Variants in TSPAN9 observed in about 807,000 individuals in gnomAD.
The protein encoded by TSPAN9 is tetraspanin 9, also known as tetraspanin-9.
Under a neutral mutation model 31.0 loss-of-function variants are expected in TSPAN9, and 16 were observed. The observed-to-expected ratio is 0.52, with a 90% CI of 0.35 to 0.78. The LOEUF (loss-of-function observed/expected upper bound fraction) is 0.78. Among genes scored for constraint, TSPAN9 ranks in the 30% least tolerant of loss-of-function variants. The pLI is 0.01. For synonymous variants in TSPAN9, 145 were observed against 121.6 expected (o/e 1.19, Z -1.27); for missense variants, 272 against 312.5 (o/e 0.87, Z 0.98).
At chr12:3,281,362 A>T (rs772458182) in intron 7 of TSPAN9, 33 bp downstream of exon 7, 16 of 1,532,526 alleles carry the variant, frequency 1.0e-5, no homozygotes, top group African/African-American at 1.4e-5. Context: ...TGGGTCCAAG[A>T]GCCCGTGTGT....
chr12:3,226,302 G>A (rs2098387106), intron 3 of TSPAN9, among the ~76,000 whole-genome samples: 1 of 152,080 alleles, frequency 6.6e-6, no homozygotes, highest in African/African-American at 2.4e-5. Flanking sequence ...TTTGTGCTTG[G>A]AAAGGAGTAT....
chr12:3,181,747 G>C (rs1045567107), intron 2 of TSPAN9, among the ~76,000 whole-genome samples: 2 of 152,062 alleles, frequency 1.3e-5, no homozygotes, highest in African/African-American at 4.8e-5. Flanking sequence ...CCCAGCCCTC[G>C]TGCCCTTCCC....
intron 2 of TSPAN9, among the ~76,000 whole-genome samples, chr12:3,109,152 G>A (rs192793347): frequency 0.01 from 1,580 of 151,808 alleles, 16 homozygotes; most frequent in Non-Finnish European, 0.018. Context: ...TAGCCAGGAT[G>A]GTCTCGATCT....
At chr12:3,203,955 G>A (rs548674886) in intron 3 of TSPAN9, among the ~76,000 whole-genome samples, 15 of 152,312 alleles carry the variant, frequency 9.8e-5, no homozygotes, top group African/African-American at 3.4e-4. Flanking sequence ...AGAGCAGAAT[G>A]GGAAGGGAAA....
At chr12:3,095,398 A>G (rs2098307625) in intron 2 of TSPAN9, among the ~76,000 whole-genome samples, 1 of 150,106 alleles carries the variant, frequency 6.7e-6, no homozygotes, top group Admixed American at 6.6e-5. Flanking sequence ...CACCTCCCAG[A>G]CGGGGTGGTG....
intron 1 of TSPAN9, among the ~76,000 whole-genome samples, chr12:3,083,330 G>T (rs564189581): frequency 3.6e-4 from 55 of 152,314 alleles, no homozygotes; most frequent in African/African-American, 1.3e-3. Flanking sequence ...GGATGACAAA[G>T]GTCTACCCCA....
At chr12:3,269,223 CCTCT>C (rs746109992) in intron 3 of TSPAN9, among the ~76,000 whole-genome samples, 71 of 53,206 alleles carry the variant, frequency 1.3e-3, no homozygotes, top group Non-Finnish European at 2.4e-3. Context: ...TGCAGCCTGC[CCTCT>C]CTGTGTTCCT....
At chr12:3,153,163 G>A (rs1364639122) in intron 2 of TSPAN9, among the ~76,000 whole-genome samples, 1 of 152,162 alleles carries the variant, frequency 6.6e-6, no homozygotes, top group Non-Finnish European at 1.5e-5. Flanking sequence ...CCCTGTGGCA[G>A]TCCCGGAAGG....
chr12:3,104,672 C>T (rs566766577), intron 2 of TSPAN9, among the ~76,000 whole-genome samples: 3 of 152,268 alleles, frequency 2.0e-5, no homozygotes, highest in Admixed American at 6.5e-5. Flanking sequence ...CTGTTAGCTA[C>T]CAAGTGCTTA....
At position 3,283,737 on chromosome 12, in the gene TSPAN9, T is replaced by C. The variant is rs1268378192; in HGVS notation, c.*621T>C. ...GTTGATTTCTTTAATGGTTTGACTT[T>C]TTTTCCCTGAGGGTGAGGGATGGGT... On this transcript the variant is annotated 3_prime_UTR_variant, in exon 9 of 9. Transcript: ENST00000011898. 1 of 152,722 alleles carries C rather than the reference T, an allele frequency of 6.5e-6. No homozygotes were observed. The highest frequency in any genetic ancestry group is 2.4e-5 in the African/African-American group (1 of 41,470). The allele number at this position is 152,722 out of a possible 1,614,324, so 9.5% of individuals were successfully genotyped here.
intron 2 of TSPAN9, among the ~76,000 whole-genome samples, chr12:3,125,869 TTG>T (rs1468789640): frequency 1.3e-5 from 2 of 152,156 alleles, no homozygotes; most frequent in African/African-American, 2.4e-5. Context: ...GCCTTTTTGT[TTG>T]TGTTTCATGG....
At chr12:3,150,342 A>G (rs951616378) in intron 2 of TSPAN9, among the ~76,000 whole-genome samples, 2 of 152,072 alleles carry the variant, frequency 1.3e-5, no homozygotes, top group Non-Finnish European at 2.9e-5. Context: ...GTGAGTTAGT[A>G]TTTTGTTGAT....
chr12:3,223,600 G>T (rs548368271), intron 3 of TSPAN9, among the ~76,000 whole-genome samples: 155 of 152,280 alleles, frequency 1.0e-3, no homozygotes, highest in African/African-American at 3.7e-3. Context: ...CCTTGTTTTA[G>T]AGTAAAAAAG....
Position 3,278,467 on chromosome 12 carries a change from C to T in TSPAN9, c.110C>T (p.Ser37Phe). The change falls in exon 4 of 9, where the codon TCC becomes TTC. Residue 37 changes from serine (S) to phenylalanine (F), a missense_variant. Ser to Phe is a radical substitution (Grantham distance 155). Transcript: ENST00000011898. ...LLGVGIWLSV[S>F]QGNFATFSPS... ...GGAGTGGGCATCTGGCTCTCCGTGT[C>T]CCAAGGCAACTTTGCCACCTTCTCC... 1 of 1,614,216 alleles carries T rather than the reference C, an allele frequency of 6.2e-7. No homozygotes were observed. Among genetic ancestry groups the T allele is most frequent in the Non-Finnish European group, 8.5e-7 (1 of 1,180,036 alleles).
chr12:3,271,567 G>A (rs773390533), intron 3 of TSPAN9, among the ~76,000 whole-genome samples: 6 of 151,882 alleles, frequency 4.0e-5, no homozygotes, highest in Non-Finnish European at 7.4e-5. Context: ...AAAGAAGAAT[G>A]GAGTGCATTG....
intron 2 of TSPAN9, among the ~76,000 whole-genome samples, chr12:3,171,377 T>C (rs999807832): frequency 6.6e-6 from 1 of 152,196 alleles, no homozygotes; most frequent in African/African-American, 2.4e-5. Context: ...AACTGTTTGC[T>C]ATCAGTCTGC....
At chr12:3,164,562 G>A (rs1047975843) in intron 2 of TSPAN9, among the ~76,000 whole-genome samples, 7 of 152,226 alleles carry the variant, frequency 4.6e-5, no homozygotes, top group Non-Finnish European at 8.8e-5. Context: ...CCAGGCCTGC[G>A]AGGGGAGATT....
intron 2 of TSPAN9, among the ~76,000 whole-genome samples, chr12:3,184,899 A>T (rs1208026772): frequency 6.6e-6 from 1 of 152,126 alleles, no homozygotes; most frequent in African/African-American, 2.4e-5. Flanking sequence ...AATGCAGTGT[A>T]ACTGTCCTGC....
chr12:3,235,732 G>A (rs1290833200), intron 3 of TSPAN9, among the ~76,000 whole-genome samples: 2 of 152,216 alleles, frequency 1.3e-5, no homozygotes, highest in African/African-American at 4.8e-5. Flanking sequence ...GGCTTGTCCT[G>A]CAGCCAGTTT....
Sources: allele counts gnomAD v4.1 joint callset (sites outside exome capture counted in the v4.1 genomes callset), GRCh38; gene constraint gnomAD v4.1.1; transcripts MANE v1.5; gene names NCBI Gene and HGNC (gene_info 2026-07-23, HGNC 2026-07-21).